Variants in SHANK2 observed in about 807,000 individuals in gnomAD.
SHANK2 encodes the protein SH3 and multiple ankyrin repeat domains protein 2.
A neutral mutation model predicts 133.7 loss-of-function variants in SHANK2; 43 were observed. The observed-to-expected ratio is 0.32, with a 90% confidence interval of 0.25 to 0.41. The LOEUF (loss-of-function observed/expected upper bound fraction) is 0.41, where lower values mean the gene tolerates loss of function less well. Among genes scored for constraint, SHANK2 ranks in the 10% least tolerant of loss-of-function variants. The pLI is 1.00. For missense variants in SHANK2, 1,994 were observed against 2,235.8 expected (o/e 0.89, Z 2.18); for synonymous variants, 1,017 against 952.8 (o/e 1.07, Z -1.24).
intron 10 of SHANK2, among the ~76,000 whole-genome samples, chr11:70,905,413 T>C (rs560434305): frequency 6.6e-6 from 1 of 152,300 alleles, no homozygotes; most frequent in Non-Finnish European, 1.5e-5. Flanking sequence ...CTCTTCCTGC[T>C]TCATGTAAGC....
At chr11:70,778,426 G>C (rs1324893566) in intron 14 of SHANK2, among the ~76,000 whole-genome samples, 5 of 152,216 alleles carry the variant, frequency 3.3e-5, no homozygotes, top group African/African-American at 1.2e-4. Flanking sequence ...GACTAAATGT[G>C]TGTGTCCCCC....
intron 17 of SHANK2, among the ~76,000 whole-genome samples, chr11:70,602,172 C>T (rs141158229): frequency 2.6e-5 from 4 of 152,204 alleles, no homozygotes; most frequent in Non-Finnish European, 4.4e-5. Context: ...TCCCATTTCA[C>T]CTTCCACCAT....
chr11:71,167,896 G>A (rs1241054234), intron 2 of SHANK2, among the ~76,000 whole-genome samples: 33 of 142,138 alleles, frequency 2.3e-4, no homozygotes, highest in East Asian at 1.5e-3. Context: ...CTCACCTCCC[G>A]GACAGGGCGG....
At chr11:70,613,966 T>C (rs1554995195) in intron 17 of SHANK2, among the ~76,000 whole-genome samples, 1 of 152,068 alleles carries the variant, frequency 6.6e-6, no homozygotes. Context: ...GGTCTTACTA[T>C]GTTGGCCAAG....
intron 14 of SHANK2, among the ~76,000 whole-genome samples, chr11:70,744,387 C>A (rs1476854993): frequency 6.6e-6 from 1 of 152,192 alleles, no homozygotes; most frequent in Non-Finnish European, 1.5e-5. Flanking sequence ...TCCTTCCTCA[C>A]CTCTAAGCAC....
intron 1 of SHANK2, among the ~76,000 whole-genome samples, chr11:71,245,912 C>A (rs1954954705): frequency 6.6e-6 from 1 of 152,140 alleles, no homozygotes; most frequent in South Asian, 2.1e-4. Context: ...GGGGCAAATG[C>A]CTCTAGTTTG....
chr11:70,504,106 C>T (rs552056791), intron 17 of SHANK2, among the ~76,000 whole-genome samples: 48 of 152,338 alleles, frequency 3.2e-4, no homozygotes, highest in African/African-American at 8.2e-4. Flanking sequence ...ACGCCACCTT[C>T]GAACAAAGAA....
At chr11:71,207,784 T>G (rs1954157947) in intron 2 of SHANK2, among the ~76,000 whole-genome samples, 2 of 152,038 alleles carry the variant, frequency 1.3e-5, no homozygotes, top group South Asian at 4.1e-4. Context: ...CAGCTCTAAC[T>G]AGTCCTCAGT....
At position 71,075,472 on chromosome 11, in the gene SHANK2, T is replaced by A. The variant is rs906928363; in HGVS notation, c.913-197A>T. Among the ~76,000 whole-genome samples the A allele has an allele frequency of 8.2e-3, 1,253 of 152,266 alleles. 34 individuals carry two copies. Among genetic ancestry groups the A allele is most frequent in the Admixed American group, 0.062 (944 of 15,294 alleles). ...GCATGCACCACCAGACCCCTGGCTGTGGATCAGGGAGAAAGACCTTCATGG... is the reference window on the plus strand; with the variant it reads ...GCATGCACCACCAGACCCCTGGCTGAGGATCAGGGAGAAAGACCTTCATGG... On this transcript the variant is annotated intron_variant, in intron 8 of 25. Transcript: ENST00000601538.
At chr11:71,110,128 T>C in intron 5 of SHANK2, 79 bp from the exon 6 acceptor site, 1 of 1,102,424 alleles carries the variant, frequency 9.1e-7, no homozygotes, top group Middle Eastern at 2.0e-4. Flanking sequence ...ACCCCGTCTC[T>C]ACAAAAAATA....
chr11:70,903,018 C>G (rs1174491218), intron 10 of SHANK2, among the ~76,000 whole-genome samples: 1 of 152,180 alleles, frequency 6.6e-6, no homozygotes, highest in East Asian at 1.9e-4. Context: ...GAGTTTCCAT[C>G]TATTCTCCCA....
chr11:71,110,594 CA>C (rs1365779201), intron 5 of SHANK2, among the ~76,000 whole-genome samples: 1 of 152,110 alleles, frequency 6.6e-6, no homozygotes, highest in African/African-American at 2.4e-5. Context: ...AGACCTGTCT[CA>C]AAAAAGAAAA....
intron 17 of SHANK2, among the ~76,000 whole-genome samples, chr11:70,632,487 T>A (rs1366651904): frequency 6.6e-6 from 1 of 152,138 alleles, no homozygotes; most frequent in African/African-American, 2.4e-5. Flanking sequence ...GAAACACTTC[T>A]GAGTCAGACC....
At chr11:70,690,912 G>A (rs78185911) in intron 15 of SHANK2, among the ~76,000 whole-genome samples, 1,637 of 152,032 alleles carry the variant, frequency 0.011, 28 homozygotes, top group African/African-American at 0.038. Flanking sequence ...TAAGAAATAC[G>A]GGAGTAATCA....
chr11:70,662,622 G>A (rs557310267), intron 15 of SHANK2, among the ~76,000 whole-genome samples: 1 of 152,210 alleles, frequency 6.6e-6, no homozygotes, highest in African/African-American at 2.4e-5. Flanking sequence ...GGAACTGGAG[G>A]GGGTATGTGG....
At chr11:70,681,765 C>A (rs1250453360) in intron 15 of SHANK2, among the ~76,000 whole-genome samples, 1 of 152,028 alleles carries the variant, frequency 6.6e-6, no homozygotes, top group Non-Finnish European at 1.5e-5. Context: ...GGTGGGAGCA[C>A]GAGGCAAGGG....
At chr11:71,083,594 T>A (rs1330009487) in intron 8 of SHANK2, among the ~76,000 whole-genome samples, 2 of 151,956 alleles carry the variant, frequency 1.3e-5, no homozygotes, top group African/African-American at 4.8e-5. Context: ...GAGTCCCTCA[T>A]CCCGAAGATA....
At chr11:70,955,402 C>A (rs201252991) in intron 10 of SHANK2, among the ~76,000 whole-genome samples, 9 of 148,122 alleles carry the variant, frequency 6.1e-5, no homozygotes, top group Non-Finnish European at 1.0e-4. Context: ...CCAGGGTTCT[C>A]CAGAGACACA....
In SHANK2 at chr11:70,608,106, C is replaced by T. The variant is rs114354022; in HGVS notation, c.2061+51722G>A. Among the ~76,000 whole-genome samples the T allele has an allele frequency of 2.5e-3, 382 of 152,302 alleles. 1 individual carries two copies. The highest frequency in any genetic ancestry group is 8.1e-3 in the African/African-American group (336 of 41,572). On this transcript the variant is annotated intron_variant, in intron 17 of 25. Transcript: ENST00000601538. ...GATAAAGGTAAATGTGCCAGCTGCTCTTGTGGGAAATCGGAATCTGACCCT... is the reference window on the plus strand; with the variant it reads ...GATAAAGGTAAATGTGCCAGCTGCTTTTGTGGGAAATCGGAATCTGACCCT...
Sources: allele counts gnomAD v4.1 joint callset (sites outside exome capture counted in the v4.1 genomes callset), GRCh38; gene constraint gnomAD v4.1.1; transcripts MANE v1.5; gene names NCBI Gene and HGNC (gene_info 2026-07-23, HGNC 2026-07-21).